PDE4D: variants seen among roughly 807,000 people sequenced by gnomAD.
The protein encoded by PDE4D is 3',5'-cyclic-AMP phosphodiesterase 4D.
In PDE4D, 24 loss-of-function variants were observed where a neutral mutation model predicts 87.4. The ratio of observed to expected loss-of-function variants is 0.27; its 90% CI spans 0.20 to 0.39. The LOEUF (loss-of-function observed/expected upper bound fraction) is 0.39. Among genes scored for constraint, PDE4D ranks in the 10% least tolerant of loss-of-function variants. The pLI, the probability that PDE4D is intolerant of heterozygous loss-of-function variation, is 1.00. For synonymous variants in PDE4D, 384 were observed against 383.2 expected (o/e 1.00, Z -0.02); for missense variants, 714 against 1,041.0 (o/e 0.69, Z 4.32).
chr5:59,380,720 A>T (rs1182866563), intron 1 of PDE4D, among the ~76,000 whole-genome samples: 2 of 152,078 alleles, frequency 1.3e-5, no homozygotes, highest in East Asian at 3.8e-4. Context: ...GTTGAACAAC[A>T]TTTCATTCTT....
chr5:59,675,418 T>A (rs1747903884), intron 1 of PDE4D, among the ~76,000 whole-genome samples: 1 of 152,198 alleles, frequency 6.6e-6, no homozygotes, highest in South Asian at 2.1e-4. Context: ...ACTTTATAGC[T>A]GTTTGAAGGA....
At chr5:59,093,922 A>G (rs1334494060) in intron 5 of PDE4D, among the ~76,000 whole-genome samples, 1 of 152,092 alleles carries the variant, frequency 6.6e-6, no homozygotes, top group Non-Finnish European at 1.5e-5. Context: ...ATATACCATT[A>G]AAAAGGAGAG....
At chr5:60,220,541 T>G (rs527844865) in intron 1 of PDE4D, among the ~76,000 whole-genome samples, 2 of 152,138 alleles carry the variant, frequency 1.3e-5, no homozygotes, top group Non-Finnish European at 2.9e-5. Flanking sequence ...GATTTTTACA[T>G]TCTCCCTCAG....
In PDE4D at chr5:59,290,903, T is replaced by C. The variant is rs539368389; in HGVS notation, c.456-74935A>G. ...AGATGTCATCTCACTCCAGCTAAAA[T>C]GGCTTTTATGCAAAAGACAAATAAT... On this transcript the variant is annotated intron_variant, in intron 1 of 14. Transcript: ENST00000340635. Among the ~76,000 whole-genome samples the C allele has an allele frequency of 1.4e-3, 218 of 152,144 alleles. 1 individual carries two copies. Among genetic ancestry groups the C allele is most frequent in the African/African-American group, 5.0e-3 (208 of 41,544 alleles).
intron 5 of PDE4D, among the ~76,000 whole-genome samples, chr5:59,175,081 T>C (rs1783613249): frequency 6.6e-6 from 1 of 152,218 alleles, no homozygotes; most frequent in African/African-American, 2.4e-5. Context: ...AAGGAAGGAC[T>C]GTGCTCCAAG....
At position 60,355,989 on chromosome 5, in the gene PDE4D, T is replaced by A. The variant is rs568006795; in HGVS notation, c.-90+131953A>T. Among the ~76,000 whole-genome samples, 350 of 152,234 alleles carry A rather than the reference T, an allele frequency of 2.3e-3. 2 individuals carry two copies. The highest frequency in any genetic ancestry group is 7.9e-3 in the African/African-American group (329 of 41,546). On this transcript the variant is annotated intron_variant, in intron 1 of 16. Coordinates refer to the PDE4D transcript ENST00000502484. ...GATCAACTGTACTTCACTTTATCCC[T>A]ACATCTAGTCTGGTTCTCAATTCAG...
At chr5:60,204,690 A>G (rs1742301916) in intron 1 of PDE4D, among the ~76,000 whole-genome samples, 1 of 152,246 alleles carries the variant, frequency 6.6e-6, no homozygotes, top group Admixed American at 6.5e-5. Context: ...GCCCTTTCCA[A>G]TAAACTGTAA....
At chr5:60,460,565 T>A in intron 1 of PDE4D, 1 of 1,325,682 alleles carries the variant, frequency 7.5e-7, no homozygotes, top group Non-Finnish European at 1.1e-6. Context: ...GCTTCTTCAT[T>A]AAGTCTGTCT....
At chr5:59,067,794 T>C (rs1422832410) in intron 5 of PDE4D, among the ~76,000 whole-genome samples, 1 of 152,190 alleles carries the variant, frequency 6.6e-6, no homozygotes, top group Non-Finnish European at 1.5e-5. Context: ...CATTCTGCCC[T>C]CTTATTTCTC....
chr5:59,707,580 C>T (rs1753619759), intron 1 of PDE4D, among the ~76,000 whole-genome samples: 1 of 152,032 alleles, frequency 6.6e-6, no homozygotes, highest in Admixed American at 6.6e-5. Flanking sequence ...AGATGTGTGC[C>T]ACAGTGGTTG....
At chr5:59,555,569 A>C (rs1434797986) in intron 1 of PDE4D, among the ~76,000 whole-genome samples, 1 of 152,156 alleles carries the variant, frequency 6.6e-6, no homozygotes, top group Non-Finnish European at 1.5e-5. Context: ...GAAAAACAGC[A>C]AAAGGAAGCA....
chr5:59,184,589 CA>C (rs1438058807), intron 4 of PDE4D, among the ~76,000 whole-genome samples: 12 of 152,042 alleles, frequency 7.9e-5, no homozygotes, highest in African/African-American at 2.9e-4. Flanking sequence ...GAAATAACAG[CA>C]AACCAGTTTT....
chr5:60,017,436 T>C (rs1765631540), intron 2 of PDE4D, among the ~76,000 whole-genome samples: 1 of 152,166 alleles, frequency 6.6e-6, no homozygotes, highest in South Asian at 2.1e-4. Context: ...TTTATCCTGA[T>C]GCTCTCCCTC....
intron 1 of PDE4D, among the ~76,000 whole-genome samples, chr5:59,521,878 T>G (rs1291625341): frequency 6.6e-6 from 1 of 152,226 alleles, no homozygotes; most frequent in African/African-American, 2.4e-5. Flanking sequence ...GGTAAACACT[T>G]AATATTTGTT....
intron 2 of PDE4D, among the ~76,000 whole-genome samples, chr5:60,059,113 T>C (rs1404857677): frequency 1.3e-5 from 2 of 151,080 alleles, no homozygotes; most frequent in African/African-American, 2.4e-5. Context: ...TTCTGTATGA[T>C]ACAGTAATGG....
At chr5:59,789,423 A>C (rs567830929) in intron 1 of PDE4D, among the ~76,000 whole-genome samples, 1 of 152,352 alleles carries the variant, frequency 6.6e-6, no homozygotes, top group East Asian at 1.9e-4. Flanking sequence ...AGGCAAGTCA[A>C]GTTCTGTGCC....
chr5:59,450,299 G>A (rs546888836), intron 1 of PDE4D, among the ~76,000 whole-genome samples: 2 of 152,224 alleles, frequency 1.3e-5, no homozygotes, highest in Admixed American at 6.5e-5. Flanking sequence ...TAAGTAAGAT[G>A]GAATGTGTTA....
chr5:60,418,822 T>C (rs1274722257), intron 1 of PDE4D, among the ~76,000 whole-genome samples: 1 of 152,176 alleles, frequency 6.6e-6, no homozygotes, highest in Non-Finnish European at 1.5e-5. Context: ...GTAGGTCTTA[T>C]TCATTCTTTC....
At chr5:59,682,188 T>C (rs1202847668) in intron 1 of PDE4D, among the ~76,000 whole-genome samples, 4 of 152,158 alleles carry the variant, frequency 2.6e-5, no homozygotes, top group Admixed American at 2.6e-4. Flanking sequence ...TCCAAAGCTA[T>C]TGGGTAAGAA....
Sources: gnomAD v4.1 joint callset for allele counts (sites outside exome capture counted in the v4.1 genomes callset) on GRCh38, gnomAD v4.1.1 for gene constraint, MANE v1.5 for transcripts, NCBI Gene and HGNC (gene_info 2026-07-23, HGNC 2026-07-21) for gene names.